HIVEP2: variants seen among roughly 807,000 people sequenced by gnomAD.
HIVEP2 encodes transcription factor HIVEP2.
HIVEP2 carries 14 observed loss-of-function variants against 180.7 expected under a neutral mutation model. That is an observed-to-expected ratio of 0.08 (90% CI 0.05 to 0.12). The LOEUF (loss-of-function observed/expected upper bound fraction) is 0.12. HIVEP2 is among the 10% of genes least tolerant of loss of function. The pLI, the probability that HIVEP2 is intolerant of heterozygous loss-of-function variation, is 1.00. For missense variants in HIVEP2, 2,579 were observed against 3,008.5 expected, an observed-to-expected ratio of 0.86 and a Z score of 3.34; for synonymous variants, 1,184 against 1,136.4, an observed-to-expected ratio of 1.04 and a Z score of -0.84.
chr6:142,941,167 G>A (rs188179558), intron 1 of HIVEP2, among the ~76,000 whole-genome samples: 203 of 152,272 alleles, frequency 1.3e-3, no homozygotes, highest in African/African-American at 4.4e-3. Flanking sequence ...ATGCAGTCAC[G>A]AAGCCAGTTT....
intron 2 of HIVEP2, among the ~76,000 whole-genome samples, chr6:142,810,777 AAAC>A (rs1329667697): frequency 6.6e-5 from 10 of 151,366 alleles, no homozygotes; most frequent in African/African-American, 9.7e-5. Context: ...AAAAAAAAAA[AAAC>A]AAAAAAAGAA....
chr6:142,875,239 A>C (rs931692892), intron 1 of HIVEP2, among the ~76,000 whole-genome samples: 1 of 152,208 alleles, frequency 6.6e-6, no homozygotes, highest in Admixed American at 6.5e-5. Context: ...CACTGCCAGC[A>C]GGAAAAGCAG....
intron 2 of HIVEP2, among the ~76,000 whole-genome samples, chr6:142,813,818 A>G (rs11155264): frequency 0.75 from 113,566 of 151,536 alleles, 43,660 homozygotes; most frequent in Non-Finnish European, 0.85. Context: ...CTTCTGCCTC[A>G]GCCTCCCAAA....
In HIVEP2 at chr6:142,751,576, T is replaced by G. The variant is rs565456839; in HGVS notation, c.*1531A>C. 5 of 152,796 alleles carry G rather than the reference T, an allele frequency of 3.3e-5. No homozygotes were observed. In the East Asian group the frequency reaches 9.6e-4, roughly 29 times the overall value. 9.5% of individuals were successfully genotyped at this position (152,796 alleles called of 1,614,324 possible). On this transcript the variant is annotated 3_prime_UTR_variant, in exon 10 of 10. Coordinates refer to ENST00000367603, the MANE Select transcript of HIVEP2 (RefSeq NM_006734.4). ...TATAATCCACTATATAGCACAAAGA[T>G]AACCCAGATTGTATGTGTGCGTGCA...
intron 1 of HIVEP2, among the ~76,000 whole-genome samples, chr6:142,859,776 G>A (rs1775921139): frequency 7.7e-6 from 1 of 129,108 alleles, no homozygotes; most frequent in Non-Finnish European, 1.6e-5. Context: ...AGATGTTGCA[G>A]TGAGTCAAGA....
At chr6:142,760,766 C>T (rs763365441) in intron 8 of HIVEP2, 99 bp from the exon 9 acceptor site, 82 of 817,818 alleles carry the variant, frequency 1.0e-4, no homozygotes, top group Non-Finnish European at 1.4e-4. Context: ...TTCCCAATCC[C>T]TAGTGCCCAC....
rs1167938683 is a variant in HIVEP2 at position 142,760,678 on chromosome 6, T to G, written c.5621-11A>C. 4 of 1,566,284 alleles carry G rather than the reference T, an allele frequency of 2.6e-6. No individual in the cohort carries two copies. Among genetic ancestry groups the G allele is most frequent in the Non-Finnish European group, 3.5e-6 (4 of 1,153,480 alleles). ...AATCTTCCAAATTTTCTGAAACAAT[T>G]AAACAAAGATAATGGAGATCAAGAT... On this transcript the variant is annotated splice_polypyrimidine_tract_variant and intron_variant, in intron 8 of 9. Transcript: ENST00000367603.
At chr6:142,803,073 T>G (rs1194527728) in intron 2 of HIVEP2, among the ~76,000 whole-genome samples, 1 of 152,200 alleles carries the variant, frequency 6.6e-6, no homozygotes, top group African/African-American at 2.4e-5. Context: ...TATAAAACTC[T>G]GTAGTATATA....
rs549357135 is a variant in HIVEP2 at position 142,784,482 on chromosome 6, T to A, written c.-527-867A>T. On this transcript the variant is annotated intron_variant, in intron 2 of 9. Coordinates refer to ENST00000367603, the MANE Select transcript of HIVEP2 (RefSeq NM_006734.4). ...TTTCCCCCTCCTTTCTGCACACCAC[T>A]GCAGTAGCACTTCAGGACACCCTGT... Among the ~76,000 whole-genome samples, 5 of 152,306 alleles carry A rather than the reference T, an allele frequency of 3.3e-5. 1 individual carries two copies. The East Asian group carries it at 9.6e-4, about 29-fold the overall frequency.
At chr6:142,782,069 CG>C (rs1775874173) in intron 3 of HIVEP2, among the ~76,000 whole-genome samples, 2 of 152,164 alleles carry the variant, frequency 1.3e-5, no homozygotes, top group Admixed American at 1.3e-4. Flanking sequence ...GCAGCAAACA[CG>C]GCTTCTCCAC....
At chr6:142,889,130 T>C (rs1204003105) in intron 1 of HIVEP2, among the ~76,000 whole-genome samples, 1 of 152,206 alleles carries the variant, frequency 6.6e-6, no homozygotes, top group Non-Finnish European at 1.5e-5. Context: ...CCTGGCACTT[T>C]TGTTGAACTA....
intron 7 of HIVEP2, among the ~76,000 whole-genome samples, chr6:142,763,046 T>A (rs998134423): frequency 6.6e-6 from 1 of 152,230 alleles, no homozygotes; most frequent in Non-Finnish European, 1.5e-5. Flanking sequence ...TAGGTATAGA[T>A]GCTAAGCATA....
intron 1 of HIVEP2, among the ~76,000 whole-genome samples, chr6:142,863,552 A>C (rs1423565947): frequency 6.6e-6 from 1 of 152,234 alleles, no homozygotes; most frequent in Non-Finnish European, 1.5e-5. Flanking sequence ...CAGGACACGC[A>C]AATATCAAGT....
chr6:142,759,180 G>A (rs1170618831), intron 9 of HIVEP2, among the ~76,000 whole-genome samples: 11 of 152,058 alleles, frequency 7.2e-5, no homozygotes, highest in Admixed American at 5.9e-4. Flanking sequence ...ATACACGCCT[G>A]TAGTCCCAGC....
intron 3 of HIVEP2, among the ~76,000 whole-genome samples, chr6:142,778,838 A>G (rs185881287): frequency 3.9e-5 from 6 of 152,272 alleles, no homozygotes; most frequent in Admixed American, 3.9e-4. Flanking sequence ...TACATCTTCA[A>G]TAATATCTTC....
intron 2 of HIVEP2, among the ~76,000 whole-genome samples, chr6:142,811,041 A>G (rs1422282157): frequency 6.6e-6 from 1 of 152,190 alleles, no homozygotes; most frequent in Non-Finnish European, 1.5e-5. Context: ...CACCATATTG[A>G]GAAAAACCGA....
intron 2 of HIVEP2, among the ~76,000 whole-genome samples, chr6:142,815,817 ACTT>A (rs1776819284): frequency 6.6e-6 from 1 of 152,166 alleles, no homozygotes; most frequent in South Asian, 2.1e-4. Flanking sequence ...AAAATATCCA[ACTT>A]GATTATCTGT....
intron 2 of HIVEP2, among the ~76,000 whole-genome samples, chr6:142,815,736 G>C (rs560441038): frequency 6.6e-6 from 1 of 152,296 alleles, no homozygotes; most frequent in African/African-American, 2.4e-5. Context: ...GCATGGTCTT[G>C]TTTAATTCTA....
rs112961057 is a variant in HIVEP2, at chr6:142,809,889, C to T, written c.-527-26274G>A. Among the ~76,000 whole-genome samples, 5 of 152,124 alleles carry T rather than the reference C, an allele frequency of 3.3e-5. 1 individual carries two copies. The highest frequency in any genetic ancestry group is 7.2e-5 in the African/African-American group (3 of 41,508). ...GATTACAGGCATGAGCCACTGTGCCCGGCCCAATATTCTAATTTTTAAACA... is the reference window on the plus strand; with the variant it reads ...GATTACAGGCATGAGCCACTGTGCCTGGCCCAATATTCTAATTTTTAAACA... On this transcript the variant is annotated intron_variant, in intron 2 of 9. Transcript: ENST00000367603.
Sources: allele counts gnomAD v4.1 joint callset (sites outside exome capture counted in the v4.1 genomes callset), GRCh38; gene constraint gnomAD v4.1.1; transcripts MANE v1.5; gene names NCBI Gene and HGNC (gene_info 2026-07-23, HGNC 2026-07-21).